Variants in ST18 observed in about 807,000 individuals in gnomAD.
ST18 encodes ST18 C2H2C-type zinc finger transcription factor.
ST18 carries 50 observed loss-of-function variants against 110.0 expected under a neutral mutation model. The observed-to-expected ratio is 0.45, with a 90% CI of 0.36 to 0.58. ST18 has a LOEUF of 0.58. Ranked by LOEUF, ST18 falls within the 20% of genes least tolerant of loss-of-function variation. ST18 has a pLI of 0.00. For missense variants in ST18, 1,306 were observed against 1,280.1 expected, an observed-to-expected ratio of 1.02 and a Z score of -0.31; for synonymous variants, 461 against 452.4, an observed-to-expected ratio of 1.02 and a Z score of -0.24.
chr8:52,309,538 A>G (rs1339835081), intron 2 of ST18, among the ~76,000 whole-genome samples: 2 of 151,054 alleles, frequency 1.3e-5, no homozygotes, highest in Admixed American at 1.3e-4. Context: ...AAAAAAAAAA[A>G]AAAAAAGAAA....
intron 23 of ST18, among the ~76,000 whole-genome samples, chr8:52,119,172 G>A (rs1211806236): frequency 6.6e-6 from 1 of 151,922 alleles, no homozygotes; most frequent in African/African-American, 2.4e-5. Flanking sequence ...CTGTAAAATA[G>A]GCATGTTATC....
intron 2 of ST18, among the ~76,000 whole-genome samples, chr8:52,272,145 G>C (rs958125593): frequency 2.6e-5 from 4 of 152,134 alleles, no homozygotes; most frequent in Non-Finnish European, 4.4e-5. Flanking sequence ...ATTATTCTTG[G>C]CAGTGATTTC....
At chr8:52,276,610 C>T (rs1251976285) in intron 2 of ST18, among the ~76,000 whole-genome samples, 1 of 152,150 alleles carries the variant, frequency 6.6e-6, no homozygotes, top group Non-Finnish European at 1.5e-5. Flanking sequence ...CATTCTCTCT[C>T]TGATCATGCA....
chr8:52,165,229 A>C lies in ST18; in HGVS notation c.1205-4T>G. On this transcript the variant is annotated splice_region_variant and splice_polypyrimidine_tract_variant and intron_variant, in intron 11 of 25. Transcript: ENST00000689386. Reference sequence around the variant, plus strand: ...ACATTTTCATGCATGGCAAGAACTAAGCACAAAACAACACATAAAGGAAAG... The same window carrying C: ...ACATTTTCATGCATGGCAAGAACTACGCACAAAACAACACATAAAGGAAAG... The C allele has an allele frequency of 6.2e-7, 1 of 1,614,132 alleles. No individual in the cohort carries two copies. Among genetic ancestry groups the C allele is most frequent in the South Asian group, 1.1e-5 (1 of 91,090 alleles).
chr8:52,388,921 T>A lies in ST18; in HGVS notation c.-465+20407A>T, dbSNP rs536331769. On this transcript the variant is annotated intron_variant, in intron 2 of 25. Coordinates refer to ENST00000689386, the MANE Select transcript of ST18 (RefSeq NM_001352837.2). The stretch of plus-strand genomic sequence containing the variant: ...CATGGCACATGTATACATATGTAAC[T>A]AACCTGCACATTGTGCACATGTACC... Among the ~76,000 whole-genome samples, 100 of 148,344 alleles carry A rather than the reference T, an allele frequency of 6.7e-4. No individual in the cohort carries two copies. The South Asian group carries it at 9.6e-3, about 14-fold the overall frequency.
At chr8:52,210,785 C>A (rs1417585538) in intron 8 of ST18, among the ~76,000 whole-genome samples, 1 of 152,166 alleles carries the variant, frequency 6.6e-6, no homozygotes, top group Non-Finnish European at 1.5e-5. Context: ...AGAAGAGTAT[C>A]TGCATGAATT....
intron 2 of ST18, among the ~76,000 whole-genome samples, chr8:52,351,868 A>G (rs1820505058): frequency 6.6e-6 from 1 of 152,222 alleles, no homozygotes; most frequent in African/African-American, 2.4e-5. Flanking sequence ...TTGGGTAGAA[A>G]AACAATAACT....
intron 2 of ST18, among the ~76,000 whole-genome samples, chr8:52,334,014 C>T (rs1291419509): frequency 2.6e-5 from 4 of 152,200 alleles, no homozygotes; most frequent in Non-Finnish European, 5.9e-5. Context: ...ACTCAGATAT[C>T]GCAGGAGAGG....
chr8:52,266,351 GA>G (rs1355017116), intron 2 of ST18, among the ~76,000 whole-genome samples: 1 of 152,060 alleles, frequency 6.6e-6, no homozygotes, highest in Non-Finnish European at 1.5e-5. Context: ...CTTTAAACTG[GA>G]GATGTTGTTT....
At chr8:52,209,770 CAAAAAA>C (rs1172620781) in intron 8 of ST18, among the ~76,000 whole-genome samples, 3 of 71,876 alleles carry the variant, frequency 4.2e-5, no homozygotes, top group Admixed American at 1.8e-4. Context: ...AACTCCATCT[CAAAAAA>C]AAAAAAAAAA....
intron 2 of ST18, among the ~76,000 whole-genome samples, chr8:52,263,777 T>C (rs1196447899): frequency 1.4e-5 from 2 of 145,124 alleles, no homozygotes; most frequent in African/African-American, 5.2e-5. Flanking sequence ...GACAGAGTCT[T>C]GCTCTGTCAC....
At chr8:52,238,186 A>G (rs1187553262) in intron 2 of ST18, among the ~76,000 whole-genome samples, 1 of 152,228 alleles carries the variant, frequency 6.6e-6, no homozygotes, top group African/African-American at 2.4e-5. Flanking sequence ...GAGTTTCTAT[A>G]TAATCCAACA....
chr8:52,273,011 T>A lies in ST18; in HGVS notation c.-464-42934A>T, dbSNP rs1029246332. ...ACAACACTGTACCTAGAGTCAACAATAATGTGCACTTAAAAATCTGTTAAG... is the reference window on the plus strand; with the variant it reads ...ACAACACTGTACCTAGAGTCAACAAAAATGTGCACTTAAAAATCTGTTAAG... On this transcript the variant is annotated intron_variant, in intron 2 of 25. Coordinates refer to ENST00000689386, the MANE Select transcript of ST18 (RefSeq NM_001352837.2). Among the ~76,000 whole-genome samples the A allele has an allele frequency of 7.2e-5, 11 of 152,292 alleles. 1 individual carries two copies. The highest frequency in any genetic ancestry group is 5.8e-4 in the East Asian group (3 of 5,188).
intron 2 of ST18, among the ~76,000 whole-genome samples, chr8:52,315,816 T>C (rs1002503115): frequency 6.6e-6 from 1 of 152,222 alleles, no homozygotes; most frequent in Non-Finnish European, 1.5e-5. Flanking sequence ...GTTTTCTTGG[T>C]TATATACCTC....
In ST18 at chr8:52,217,827, G is replaced by A. The variant is rs1358927014; in HGVS notation, c.-82C>T. ...CTGGAGCTTACATCAGGGGCAATAAGCAGGTCTCTTCCACATCGCCCCAGT... is the reference window on the plus strand; with the variant it reads ...CTGGAGCTTACATCAGGGGCAATAAACAGGTCTCTTCCACATCGCCCCAGT... On this transcript the variant is annotated 5_prime_UTR_variant, in exon 6 of 26. Coordinates refer to ENST00000689386, the MANE Select transcript of ST18 (RefSeq NM_001352837.2). 2 of 152,204 alleles carry A rather than the reference G, an allele frequency of 1.3e-5. No homozygotes were observed. The highest frequency in any genetic ancestry group is 6.5e-5 in the Admixed American group (1 of 15,272). 9.4% of individuals were successfully genotyped at this position (152,204 alleles called of 1,614,324 possible). A position where few individuals can be genotyped will look rare whatever the true frequency, so the allele number is the denominator to read the frequency against.
intron 2 of ST18, chr8:52,248,344 T>C (rs2094018259): frequency 6.6e-6 from 1 of 152,208 alleles, no homozygotes; most frequent in Non-Finnish European, 1.5e-5. Flanking sequence ...ACTGATATTA[T>C]GAACACATCT....
intron 2 of ST18, among the ~76,000 whole-genome samples, chr8:52,363,285 T>G (rs1197348548): frequency 6.6e-6 from 1 of 152,254 alleles, no homozygotes. Flanking sequence ...CATTTTTTGC[T>G]TCATATTTTG....
intron 2 of ST18, among the ~76,000 whole-genome samples, chr8:52,280,573 A>G (rs1477291570): frequency 6.6e-6 from 1 of 152,080 alleles, no homozygotes; most frequent in Admixed American, 6.5e-5. Flanking sequence ...GTATATTAAT[A>G]TCAGGCAAAA....
intron 2 of ST18, among the ~76,000 whole-genome samples, chr8:52,360,790 T>G (rs922264918): frequency 1.4e-4 from 22 of 152,196 alleles, no homozygotes; most frequent in African/African-American, 5.3e-4. Context: ...AGTTATTTAA[T>G]GCCCAGTAAG....
Sources: allele counts gnomAD v4.1 joint callset (sites outside exome capture counted in the v4.1 genomes callset), GRCh38; gene constraint gnomAD v4.1.1; transcripts MANE v1.5; gene names NCBI Gene and HGNC (gene_info 2026-07-23, HGNC 2026-07-21).